The following WDR20 variants were observed in gnomAD, a reference collection of about 807,000 sequenced individuals.
WDR20 encodes the protein WD repeat domain 20.
In WDR20, 3 loss-of-function variants were observed where a neutral mutation model predicts 38.7. The observed-to-expected ratio is 0.08, with a 90% CI of 0.04 to 0.20. The LOEUF (loss-of-function observed/expected upper bound fraction) is 0.20. WDR20 is among the 10% of genes least tolerant of loss of function. The pLI, the probability that WDR20 is intolerant of heterozygous loss-of-function variation, is 1.00. For synonymous variants in WDR20, 298 were observed against 285.6 expected, an observed-to-expected ratio of 1.04 and a Z score of -0.44; for missense variants, 559 against 727.7, an observed-to-expected ratio of 0.77 and a Z score of 2.67.
Position 102,208,882 on chromosome 14 carries a change from G to A in WDR20, c.712G>A (p.Val238Met). ...FSPDGKFLACVSQDGFLRVFN... is the reference protein window; with the variant it reads ...FSPDGKFLACMSQDGFLRVFN... ...CCCAGATGGCAAGTTCTTAGCGTGCGTGAGCCAGGACGGGTTTCTGCGGGT... is the reference window on the plus strand; with the variant it reads ...CCCAGATGGCAAGTTCTTAGCGTGCATGAGCCAGGACGGGTTTCTGCGGGT... Residue 238 changes from valine to methionine, a missense_variant, in exon 3 of 3, where the codon GTG becomes ATG. By Grantham distance (21) the Val-to-Met change is conservative. Coordinates refer to ENST00000342702, the MANE Select transcript of WDR20 (RefSeq NM_144574.4). The surrounding 1 kb of genome is among the most constrained non-coding windows in gnomAD (Gnocchi z 5.6). The A allele has an allele frequency of 1.2e-6, 2 of 1,614,208 alleles. No homozygotes were observed. The highest frequency in any genetic ancestry group is 1.7e-6 in the Non-Finnish European group (2 of 1,180,024).
chr14:102,214,364 T>G (rs2153041108), downstream of WDR20: 1 of 985,418 alleles, frequency 1.0e-6, no homozygotes, highest in African/African-American at 1.7e-5. Flanking sequence ...GGAGGAGACA[T>G]TAGTCTGGCC....
intron 1 of WDR20, among the ~76,000 whole-genome samples, chr14:102,154,817 G>C (rs1251549291): frequency 6.6e-6 from 1 of 152,194 alleles, no homozygotes; most frequent in African/African-American, 2.4e-5. Context: ...AGTCTATAAA[G>C]CATTTACATA....
At chr14:102,173,985 A>C (rs2061534510) in intron 1 of WDR20, among the ~76,000 whole-genome samples, 1 of 151,104 alleles carries the variant, frequency 6.6e-6, no homozygotes, top group African/African-American at 2.4e-5. Context: ...CGGAGCTTGC[A>C]GTGAGCTGAG....
chr14:102,157,522 G>T (rs2057708036), intron 1 of WDR20, among the ~76,000 whole-genome samples: 1 of 152,116 alleles, frequency 6.6e-6, no homozygotes, highest in African/African-American at 2.4e-5. Context: ...CATTCTTGCT[G>T]CCCTAACTAG....
chr14:102,217,380 G>C (rs1053637144), downstream of WDR20, among the ~76,000 whole-genome samples: 3 of 152,204 alleles, frequency 2.0e-5, no homozygotes, highest in African/African-American at 7.2e-5. Context: ...CTTCATCTGC[G>C]TGGTCTTTCC....
downstream of WDR20, among the ~76,000 whole-genome samples, chr14:102,215,407 C>T (rs2063099076): frequency 6.6e-6 from 1 of 152,138 alleles, no homozygotes; most frequent in African/African-American, 2.4e-5. Context: ...TGTCCAGCCA[C>T]CCAGCCAGCA....
intron 1 of WDR20, among the ~76,000 whole-genome samples, chr14:102,187,418 G>GC (rs2152912765): frequency 6.6e-6 from 1 of 151,622 alleles, no homozygotes; most frequent in Admixed American, 6.6e-5. Context: ...CTGGGGGGGG[G>GC]CTCAGGAGGA....
At chr14:102,169,840 C>G (rs984186553) in intron 1 of WDR20, among the ~76,000 whole-genome samples, 1 of 152,116 alleles carries the variant, frequency 6.6e-6, no homozygotes, top group African/African-American at 2.4e-5. Context: ...TCTCAAGTAA[C>G]TTAGTGAGAA....
At chr14:102,153,807 C>T (rs1321820406) in intron 1 of WDR20, among the ~76,000 whole-genome samples, 3 of 152,206 alleles carry the variant, frequency 2.0e-5, no homozygotes, top group Non-Finnish European at 4.4e-5. Context: ...TAGATCACAG[C>T]TGAAATGTCA....
At chr14:102,202,703 T>A (rs569399237) in intron 2 of WDR20, among the ~76,000 whole-genome samples, 3 of 151,976 alleles carry the variant, frequency 2.0e-5, no homozygotes, top group Admixed American at 6.6e-5. Context: ...TTTTCAGAGT[T>A]TCACACACTC....
At chr14:102,156,864 A>C (rs2057522853) in intron 1 of WDR20, among the ~76,000 whole-genome samples, 2 of 152,070 alleles carry the variant, frequency 1.3e-5, no homozygotes, top group Admixed American at 6.6e-5. Context: ...GGTAACAGGC[A>C]CCTGTAATCA....
chr14:102,165,618 T>C (rs1471791135), intron 1 of WDR20, among the ~76,000 whole-genome samples: 1 of 151,318 alleles, frequency 6.6e-6, no homozygotes, highest in Non-Finnish European at 1.5e-5. Flanking sequence ...AATTTTTTGT[T>C]TCTTTTTCTT....
chr14:102,172,543 C>A (rs1456832864), intron 1 of WDR20, among the ~76,000 whole-genome samples: 3 of 147,736 alleles, frequency 2.0e-5, no homozygotes, highest in Non-Finnish European at 4.5e-5. Flanking sequence ...GGGGCTGACC[C>A]CCCACCTCCC....
intron 1 of WDR20, among the ~76,000 whole-genome samples, chr14:102,168,147 C>A (rs530747690): frequency 1.1e-3 from 174 of 152,142 alleles, no homozygotes; most frequent in Non-Finnish European, 1.5e-3. Flanking sequence ...TACCATAGCA[C>A]TGGTAACAAA....
At chr14:102,162,538 C>T (rs1433923791) in intron 1 of WDR20, among the ~76,000 whole-genome samples, 1 of 152,148 alleles carries the variant, frequency 6.6e-6, no homozygotes, top group Non-Finnish European at 1.5e-5. Context: ...CCAACAAGGA[C>T]TCACTTGAAT....
intron 1 of WDR20, among the ~76,000 whole-genome samples, chr14:102,171,858 C>A (rs139905100): frequency 5.3e-5 from 8 of 149,956 alleles, no homozygotes; most frequent in African/African-American, 2.0e-4. Context: ...ATAATGCTAA[C>A]GAAATAGGGA....
At chr14:102,149,057 G>C (rs1052065363) in intron 1 of WDR20, among the ~76,000 whole-genome samples, 3 of 152,140 alleles carry the variant, frequency 2.0e-5, no homozygotes, top group African/African-American at 7.2e-5. Flanking sequence ...CAGCTACTCG[G>C]AAGGCTGAGG....
rs1473827823 is a variant in WDR20, at chr14:102,208,835, C to T, written c.665C>T (p.Ala222Val). ...CTTAAGTGGACGGTGGGCGAGGGGG[C>T]CCTCAACGAGTTTGCTTTCTCCCCA... The part of the protein sequence containing the change: ...PLLKWTVGEG[A>V]LNEFAFSPDG... Residue 222 changes from alanine (A) to valine (V), a missense_variant, in exon 3 of 3, where the codon GCC becomes GTC. Coordinates refer to ENST00000342702, the MANE Select transcript of WDR20 (RefSeq NM_144574.4). This position sits in a 1 kb window ranked among gnomAD's most constrained non-coding sequence, Gnocchi z 5.6. 8.1e-6 allele frequency: 13 copies of T among 1,614,116 alleles called. No individual in the cohort carries two copies. The highest frequency in any genetic ancestry group is 1.3e-5 in the African/African-American group (1 of 74,928).
At chr14:102,151,953 G>T (rs1211200) in intron 1 of WDR20, among the ~76,000 whole-genome samples, 1 of 151,902 alleles carries the variant, frequency 6.6e-6, no homozygotes, top group African/African-American at 2.4e-5. Flanking sequence ...GGTCGGTCTC[G>T]CTCTGTTGCC....
Sources: gnomAD v4.1 joint callset for allele counts (sites outside exome capture counted in the v4.1 genomes callset) on GRCh38, gnomAD v4.1.1 for gene constraint, Gnocchi (gnomAD v3.1) non-coding constraint, MANE v1.5 for transcripts, NCBI Gene and HGNC (gene_info 2026-07-23, HGNC 2026-07-21) for gene names.